Variants in TAF1 observed in about 807,000 individuals in gnomAD.
The protein encoded by TAF1 is transcription initiation factor TFIID subunit 1.
In TAF1, 2 loss-of-function variants were observed where a neutral mutation model predicts 138.5. The ratio of observed to expected loss-of-function variants is 0.01; its 90% CI spans 0.01 to 0.05. The LOEUF (loss-of-function observed/expected upper bound fraction) is 0.05. Ranked by LOEUF, TAF1 falls within the 10% of genes least tolerant of loss-of-function variation. TAF1 has a pLI of 1.00. For missense variants in TAF1, 709 were observed against 1,478.0 expected (o/e 0.48, Z 8.53); for synonymous variants, 437 against 503.2 (o/e 0.87, Z 1.76).
intron 28 of TAF1, among the ~76,000 whole-genome samples, chrX:71,413,257 C>G (rs2035890345): frequency 8.9e-6 from 1 of 111,871 alleles, no homozygotes; most frequent in African/African-American, 3.3e-5. Flanking sequence ...TTTTGAGGAA[C>G]TGCCAAACTG....
chrX:71,377,841 G>C lies in TAF1; in HGVS notation c.933+20G>C. On this transcript the variant is annotated intron_variant, in intron 6 of 37. Coordinates refer to ENST00000423759, the MANE Select transcript of TAF1 (RefSeq NM_004606.5). ...GATGAAGTAGGCAAAATAGAGACCT[G>C]AGATTAAGGCCTATGAGAGGAACAA... 2 of 1,177,330 alleles carry C rather than the reference G, an allele frequency of 1.7e-6. No homozygotes were observed. The highest frequency in any genetic ancestry group is 2.3e-6 in the Non-Finnish European group (2 of 876,622).
intron 37 of TAF1, 27 bp from the exon 38 acceptor site, chrX:71,463,797 T>G (rs750128750): frequency 5.0e-6 from 6 of 1,196,865 alleles, no homozygotes; most frequent in Non-Finnish European, 6.8e-6. Flanking sequence ...TGTCCGAGCT[T>G]GAGAGATGAC....
chrX:71,412,291 A>T (rs1412028276), intron 28 of TAF1, among the ~76,000 whole-genome samples: 1 of 109,019 alleles, frequency 9.2e-6, no homozygotes, highest in Non-Finnish European at 1.9e-5. Flanking sequence ...TGCCTGGCTA[A>T]TTTTTATTTT....
At chrX:71,463,085 C>A (rs955180351) in intron 37 of TAF1, among the ~76,000 whole-genome samples, 1 of 110,954 alleles carries the variant, frequency 9.0e-6, no homozygotes, top group African/African-American at 3.3e-5. Flanking sequence ...GTGAAGAGGG[C>A]AGATTTCCTG....
intron 28 of TAF1, among the ~76,000 whole-genome samples, chrX:71,420,868 C>A (rs2036302807): frequency 8.9e-6 from 1 of 112,455 alleles, no homozygotes. Flanking sequence ...TCCCGTAGTC[C>A]CCTACGCCCC....
In TAF1 at chrX:71,384,125, A is replaced by G. The variant is rs1459315000; in HGVS notation, c.2111A>G (p.Tyr704Cys). Reference protein sequence around the residue: ...QVGMATKIKNYYKRKPGKDPG... With the variant: ...QVGMATKIKNCYKRKPGKDPG... ...GGCATGGCAACCAAGATAAAGAACT[A>G]TTATAAACGGGTGAGTCTCTGCTCA... Residue 704 changes from tyrosine to cysteine, a missense_variant, in exon 13 of 38, where the codon TAT (tyrosine) becomes TGT (cysteine). Transcript: ENST00000423759. The G allele has an allele frequency of 8.3e-7, 1 of 1,210,693 alleles. No homozygotes were observed. The highest frequency in any genetic ancestry group is 1.1e-6 in the Non-Finnish European group (1 of 895,069).
At chrX:71,468,601 G>A (rs1440095749), downstream of TAF1, among the ~76,000 whole-genome samples, 2 of 105,892 alleles carry the variant, frequency 1.9e-5, no homozygotes, top group Non-Finnish European at 3.9e-5. Flanking sequence ...CAGGAGAATC[G>A]CTTGAACCGG....
At chrX:71,523,596 A>C (rs1251161997) in intron 13 of TAF1, among the ~76,000 whole-genome samples, 1 of 112,237 alleles carries the variant, frequency 8.9e-6, no homozygotes, top group Non-Finnish European at 1.9e-5. Flanking sequence ...ATGACAGAGA[A>C]CAGTATTTAC....
chrX:71,453,644 A>G (rs1267239165), intron 32 of TAF1, among the ~76,000 whole-genome samples: 1 of 111,093 alleles, frequency 9.0e-6, no homozygotes, highest in Non-Finnish European at 1.9e-5. Context: ...TATACATTGT[A>G]TGGGTTTTGA....
intron 13 of TAF1, among the ~76,000 whole-genome samples, chrX:71,488,578 C>A (rs1288021951): frequency 9.0e-6 from 1 of 110,685 alleles, no homozygotes; most frequent in African/African-American, 3.3e-5. Context: ...ACATCCTCTG[C>A]AGATCTCCAG....
chrX:71,428,922 T>C (rs1305751048), intron 32 of TAF1, among the ~76,000 whole-genome samples: 1 of 111,631 alleles, frequency 9.0e-6, no homozygotes, highest in Non-Finnish European at 1.9e-5. Flanking sequence ...TTCTGTGACA[T>C]GGGGTTAGGA....
At chrX:71,421,771 GT>G (rs1360749788) in intron 29 of TAF1, among the ~76,000 whole-genome samples, 2 of 112,172 alleles carry the variant, frequency 1.8e-5, no homozygotes, top group African/African-American at 6.5e-5. Flanking sequence ...AGTGCTAGAA[GT>G]TTTAATTTTT....
chrX:71,430,385 C>CAA (rs746183306), intron 32 of TAF1, among the ~76,000 whole-genome samples: 415 of 34,840 alleles, frequency 0.012, 7 homozygotes, highest in African/African-American at 0.038. Context: ...CTCCGTCTCA[C>CAA]AAAAAAAAAA....
intron 13 of TAF1, chrX:71,528,426 A>G: frequency 3.8e-6 from 1 of 265,891 alleles, no homozygotes; most frequent in Non-Finnish European, 7.1e-6. Context: ...AGACAACTGC[A>G]CCTGTGAGTC....
At position 71,396,602 on chromosome X, in the gene TAF1, T is replaced by C. The variant is rs1205566558; in HGVS notation, c.3407-651T>C. Among the ~76,000 whole-genome samples, 3 of 111,893 alleles carry C rather than the reference T, an allele frequency of 2.7e-5. No homozygotes were observed. The Admixed American group carries it at 2.9e-4, about 11-fold the overall frequency. ...CCACTGTACTCGGCCTTGTGTGCTT[T>C]TATCTGTAATGTGATCATCACCCAC... On this transcript the variant is annotated intron_variant, in intron 22 of 37. Transcript: ENST00000423759.
intron 32 of TAF1, among the ~76,000 whole-genome samples, chrX:71,444,458 C>T (rs1213274417): frequency 8.9e-6 from 1 of 111,790 alleles, no homozygotes; most frequent in Non-Finnish European, 1.9e-5. Flanking sequence ...GTGGCTCACA[C>T]CTGTAATCCC....
intron 32 of TAF1, among the ~76,000 whole-genome samples, chrX:71,452,394 G>A (rs779142117): frequency 7.9e-4 from 87 of 110,695 alleles, no homozygotes; most frequent in African/African-American, 2.6e-3. Flanking sequence ...GGTCGCGGCC[G>A]GGCAGAGGTG....
rs1259701142 is a variant in TAF1, at chrX:71,418,761, A to ATTT, written c.4385-2526_4385-2524dup. Reference sequence around the variant, plus strand: ...GCTTCTGATAGGGATCAGTATGGAGATTTTTTTTTTTTTTTTTTTTTTTTG... The same window carrying ATTT: ...GCTTCTGATAGGGATCAGTATGGAGATTTTTTTTTTTTTTTTTTTTTTTTTTTG... On this transcript the variant is annotated intron_variant, in intron 28 of 37. Coordinates refer to ENST00000423759, the MANE Select transcript of TAF1 (RefSeq NM_004606.5). Among the ~76,000 whole-genome samples the ATTT allele has an allele frequency of 4.7e-3, 333 of 70,623 alleles. 4 individuals are homozygous for ATTT. The highest frequency in any genetic ancestry group is 6.8e-3 in the African/African-American group (115 of 16,855). 61.3% of individuals were successfully genotyped at this position (70,623 alleles called of 115,157 possible).
At chrX:71,402,375 T>C (rs1428146481) in intron 25 of TAF1, among the ~76,000 whole-genome samples, 1 of 112,403 alleles carries the variant, frequency 8.9e-6, no homozygotes, top group Non-Finnish European at 1.9e-5. Flanking sequence ...CCCAGAGTGC[T>C]GGGATTACAG....
Sources: allele counts gnomAD v4.1 joint callset (sites outside exome capture counted in the v4.1 genomes callset), GRCh38; gene constraint gnomAD v4.1.1; transcripts MANE v1.5; gene names NCBI Gene and HGNC (gene_info 2026-07-23, HGNC 2026-07-21).